ARB2A: variants seen among roughly 807,000 people sequenced by gnomAD.
ARB2A encodes cotranscriptional regulator ARB2A.
the ARB2A span, among the ~76,000 whole-genome samples, chr5:93,853,626 C>T: frequency 5.3e-5 from 8 of 152,144 alleles, no homozygotes; most frequent in Admixed American, 2.0e-4. Flanking sequence ...TTTTGAGATA[C>T]ATCCCATCAA....
At chr5:93,760,872 C>A in the ARB2A span, among the ~76,000 whole-genome samples, 9 of 152,096 alleles carry the variant, frequency 5.9e-5, no homozygotes, top group African/African-American at 2.2e-4. Context: ...AACCCAAAAG[C>A]GAATGCAATA....
the ARB2A span, among the ~76,000 whole-genome samples, chr5:93,728,788 T>TG: frequency 6.6e-6 from 1 of 152,132 alleles, no homozygotes; most frequent in African/African-American, 2.4e-5. Flanking sequence ...CAGGAAGAAT[T>TG]ATTTTTTGTC....
At chr5:94,049,839 A>T in the ARB2A span, among the ~76,000 whole-genome samples, 6 of 152,210 alleles carry the variant, frequency 3.9e-5, no homozygotes, top group Non-Finnish European at 8.8e-5. Flanking sequence ...AACAAAATTT[A>T]AAAAATCAAA....
At chr5:93,889,373 A>C in the ARB2A span, among the ~76,000 whole-genome samples, 1 of 151,870 alleles carries the variant, frequency 6.6e-6, no homozygotes, top group Admixed American at 6.6e-5. Context: ...CAATACACAT[A>C]TATCTCCTAA....
chr5:93,698,698 A>G, the ARB2A span, among the ~76,000 whole-genome samples: 2 of 152,244 alleles, frequency 1.3e-5, no homozygotes, highest in East Asian at 1.9e-4. Flanking sequence ...GAACACTCTA[A>G]TATTTGTGAT....
chr5:93,888,298 T>A, the ARB2A span, among the ~76,000 whole-genome samples: 1 of 151,868 alleles, frequency 6.6e-6, no homozygotes, highest in East Asian at 1.9e-4. Flanking sequence ...TTGCTTCTCA[T>A]TCTCATAAAA....
chr5:93,994,107 G>C, the ARB2A span, among the ~76,000 whole-genome samples: 232 of 152,082 alleles, frequency 1.5e-3, 12 homozygotes, highest in East Asian at 0.038. Flanking sequence ...CAGTAAAGAG[G>C]TTCCTCAAAA....
At chr5:93,680,889 A>G in the ARB2A span, among the ~76,000 whole-genome samples, 3 of 152,096 alleles carry the variant, frequency 2.0e-5, no homozygotes, top group African/African-American at 4.8e-5. Flanking sequence ...CCTTTCTTCT[A>G]TTGTTTCTTA....
At chr5:93,780,270 T>C in the ARB2A span, among the ~76,000 whole-genome samples, 178 of 152,294 alleles carry the variant, frequency 1.2e-3, no homozygotes, top group African/African-American at 4.1e-3. Flanking sequence ...AACTATTATG[T>C]AGAGCCGCAC....
At chr5:93,845,962 C>T in the ARB2A span, among the ~76,000 whole-genome samples, 2 of 151,440 alleles carry the variant, frequency 1.3e-5, no homozygotes, top group African/African-American at 4.9e-5. Context: ...TGATCATTTA[C>T]AATTGCCAGA....
the ARB2A span, among the ~76,000 whole-genome samples, chr5:94,091,081 GA>G: frequency 6.6e-6 from 1 of 152,160 alleles, no homozygotes; most frequent in Non-Finnish European, 1.5e-5. Flanking sequence ...TTTCAAGAGA[GA>G]AAGAGAAAGG....
At chr5:94,057,996 T>A in the ARB2A span, among the ~76,000 whole-genome samples, 3 of 152,154 alleles carry the variant, frequency 2.0e-5, no homozygotes, top group Non-Finnish European at 4.4e-5. Context: ...GATTCACTCA[T>A]GTCTTTGACT....
the ARB2A span, among the ~76,000 whole-genome samples, chr5:93,889,203 G>A: frequency 6.6e-6 from 1 of 151,798 alleles, no homozygotes; most frequent in East Asian, 1.9e-4. Flanking sequence ...TAAATGGTAA[G>A]TTAAGTTTGT....
At chr5:93,950,643 A>C in the ARB2A span, among the ~76,000 whole-genome samples, 1 of 151,756 alleles carries the variant, frequency 6.6e-6, no homozygotes, top group Admixed American at 6.6e-5. Context: ...ACTCGGTCTC[A>C]AAAATAAAAC....
At chr5:93,727,916 G>T in the ARB2A span, among the ~76,000 whole-genome samples, 1 of 151,942 alleles carries the variant, frequency 6.6e-6, no homozygotes, top group Non-Finnish European at 1.5e-5. Flanking sequence ...TGCATGACTT[G>T]GGGGAAAAAT....
the ARB2A span, among the ~76,000 whole-genome samples, chr5:94,022,078 T>C: frequency 6.6e-6 from 1 of 151,962 alleles, no homozygotes; most frequent in Non-Finnish European, 1.5e-5. Flanking sequence ...CAAATAATAA[T>C]AACAATAATT....
chr5:94,065,813 C>T, the ARB2A span, among the ~76,000 whole-genome samples: 1 of 152,152 alleles, frequency 6.6e-6, no homozygotes, highest in Non-Finnish European at 1.5e-5. Flanking sequence ...CAGCATTAGA[C>T]AGATCATCTA....
the ARB2A span, among the ~76,000 whole-genome samples, chr5:93,899,703 A>G: frequency 2.0e-5 from 3 of 152,180 alleles, no homozygotes; most frequent in East Asian, 5.8e-4. Context: ...GTCCCTATTG[A>G]TGGGTGATTA....
the ARB2A span, among the ~76,000 whole-genome samples, chr5:93,813,425 G>C: frequency 1.3e-5 from 2 of 152,144 alleles, no homozygotes; most frequent in Non-Finnish European, 2.9e-5. Flanking sequence ...AGAGAGAAAT[G>C]AGCAAGAAAT....
Sources: gnomAD v4.1 joint callset for allele counts (sites outside exome capture counted in the v4.1 genomes callset) on GRCh38, gnomAD v4.1.1 for gene constraint, MANE v1.5 for transcripts, NCBI Gene and HGNC (gene_info 2026-07-23, HGNC 2026-07-21) for gene names.